SLFN11: variants seen among roughly 807,000 people sequenced by gnomAD.
SLFN11 encodes the protein schlafen family member 11.
SLFN11 carries 43 observed loss-of-function variants against 53.4 expected under a neutral mutation model. The observed-to-expected ratio is 0.80, with a 90% CI of 0.63 to 1.04. The LOEUF (loss-of-function observed/expected upper bound fraction) is 1.04. Ranked by LOEUF, SLFN11 falls within the 50% of genes least tolerant of loss-of-function variation. SLFN11 has a pLI of 0.00. For synonymous variants in SLFN11, 389 were observed against 394.7 expected, an observed-to-expected ratio of 0.99 and a Z score of 0.17; for missense variants, 990 against 1,079.1, an observed-to-expected ratio of 0.92 and a Z score of 1.16.
At chr17:35,362,635 G>A in intron 4 of SLFN11, 104 bp downstream of exon 4, 1 of 849,794 alleles carries the variant, frequency 1.2e-6, no homozygotes, top group South Asian at 2.7e-5. Flanking sequence ...AAAGTGTTCA[G>A]TGGATGTAAG....
chr17:35,362,641 G>A (rs1597716331), intron 4 of SLFN11, 98 bp downstream of exon 4: 5 of 909,572 alleles, frequency 5.5e-6, no homozygotes, highest in Non-Finnish European at 8.1e-6. Context: ...TTCAGTGGAT[G>A]TAAGATGTTC....
chr17:35,368,059 A>C (rs1194433964), intron 1 of SLFN11, among the ~76,000 whole-genome samples: 2 of 152,098 alleles, frequency 1.3e-5, no homozygotes, highest in Non-Finnish European at 1.5e-5. Context: ...GTGAGGAATT[A>C]GCCTGGGAAA....
At chr17:35,356,797 T>TACATACACACAC (rs1907535936) in intron 5 of SLFN11, among the ~76,000 whole-genome samples, 1 of 140,108 alleles carries the variant, frequency 7.1e-6, no homozygotes, top group African/African-American at 2.6e-5. Context: ...ATATGTAGCA[T>TACATACACACAC]ACACACACAC....
intron 1 of SLFN11, among the ~76,000 whole-genome samples, chr17:35,370,184 A>T (rs1909472359): frequency 6.6e-6 from 1 of 152,186 alleles, no homozygotes; most frequent in South Asian, 2.1e-4. Flanking sequence ...AACGTATGCA[A>T]ATCAGTCAAT....
At chr17:35,366,759 G>A (rs1414585207) in intron 3 of SLFN11, among the ~76,000 whole-genome samples, 188 bp downstream of exon 3, 1 of 152,020 alleles carries the variant, frequency 6.6e-6, no homozygotes, top group Non-Finnish European at 1.5e-5. Context: ...AAGACATTTA[G>A]AAGAAATTTG....
Position 35,352,364 on chromosome 17 carries a change from C to T in SLFN11, c.2698G>A (p.Gly900Ser), listed in dbSNP as rs1567813722. ...TTGATTTGGAGTTCTTCCTAATGGC[C>T]ACCCCACGGAAAAATATACAGGTGT... ...KQHLYIFPWGGH is the reference protein window; with the variant it reads ...KQHLYIFPWGSH Residue 900 changes from glycine to serine, a missense_variant, in exon 7 of 7, where the codon GGC (glycine) becomes AGC (serine). Physicochemically the swap from Gly to Ser is moderately conservative, Grantham distance 56 (BLOSUM62 0). Transcript: ENST00000685675. 3 of 1,613,484 alleles carry T rather than the reference C, an allele frequency of 1.9e-6. No individual in the cohort carries two copies. Among genetic ancestry groups the T allele is most frequent in the Non-Finnish European group, 2.5e-6 (3 of 1,179,422 alleles).
chr17:35,370,241 T>G (rs1035726144), intron 1 of SLFN11, among the ~76,000 whole-genome samples: 3 of 152,156 alleles, frequency 2.0e-5, no homozygotes, highest in African/African-American at 7.2e-5. Context: ...CATATGATCA[T>G]TTCAACTGAT....
rs189049129 is a variant in SLFN11 at position 35,360,328 on chromosome 17, T to G, written c.1113A>C (p.Leu371=). Residue 371 remains leucine, a synonymous_variant, in exon 5 of 7, where the codon CTA becomes CTC. Coordinates refer to ENST00000685675, the MANE Select transcript of SLFN11 (RefSeq NM_001376007.1). ...GTCTGCTAAGGGGAGGCCCACTAGATAGACTCAGCTGACATTCAAAATCTT... is the reference window on the plus strand; with the variant it reads ...GTCTGCTAAGGGGAGGCCCACTAGAGAGACTCAGCTGACATTCAAAATCTT... ...LSEDFECQLS[L]SSGPPLSRPV... 10 of 1,610,140 alleles carry G rather than the reference T, an allele frequency of 6.2e-6. No homozygotes were observed. The African/African-American group carries it at 1.2e-4, about 20-fold the overall frequency.
At chr17:35,360,004 CAAAT>C (rs946075004) in intron 5 of SLFN11, 43 of 404,580 alleles carry the variant, frequency 1.1e-4, no homozygotes, top group African/African-American at 5.7e-4. Context: ...ACTACAAGAA[CAAAT>C]AGTCTTTAAG....
At chr17:35,369,743 G>A (rs1909422426) in intron 1 of SLFN11, among the ~76,000 whole-genome samples, 1 of 152,126 alleles carries the variant, frequency 6.6e-6, no homozygotes, top group Non-Finnish European at 1.5e-5. Flanking sequence ...ATGAGCAACT[G>A]TATGCCAATA....
intron 1 of SLFN11, among the ~76,000 whole-genome samples, chr17:35,370,782 T>C (rs946757112): frequency 1.3e-5 from 2 of 151,644 alleles, no homozygotes; most frequent in Non-Finnish European, 2.9e-5. Flanking sequence ...ATCTCTACAA[T>C]AAAAACTATA....
At position 35,354,857 on chromosome 17, in the gene SLFN11, T is replaced by C. The variant is rs564041571; in HGVS notation, c.1199-798A>G. ...AAACCCAAATCAAGATTTGTAGTGG[T>C]AATTTCAAATGAAATTACCCAGATT... On this transcript the variant is annotated intron_variant, in intron 5 of 6. Transcript: ENST00000685675. Among the ~76,000 whole-genome samples, 166 of 152,236 alleles carry C rather than the reference T, an allele frequency of 1.1e-3. 2 individuals are homozygous for C. The highest frequency in any genetic ancestry group is 1.2e-4 in the Non-Finnish European group (8 of 68,026).
intron 1 of SLFN11, among the ~76,000 whole-genome samples, chr17:35,373,140 T>C (rs959382491): frequency 6.6e-6 from 1 of 152,090 alleles, no homozygotes; most frequent in Non-Finnish European, 1.5e-5. Flanking sequence ...AGTGGCCTTC[T>C]AGGCTTCGGT....
At chr17:35,357,261 T>C (rs1907630055) in intron 5 of SLFN11, among the ~76,000 whole-genome samples, 1 of 151,966 alleles carries the variant, frequency 6.6e-6, no homozygotes, top group Non-Finnish European at 1.5e-5. Context: ...AAATATTTTT[T>C]CTACTGGTCA....
chr17:35,368,131 A>AT (rs1306365452), intron 1 of SLFN11, among the ~76,000 whole-genome samples: 1 of 151,946 alleles, frequency 6.6e-6, no homozygotes, highest in African/African-American at 2.4e-5. Context: ...GGTGGTTCTT[A>AT]TTTTTTTGTT....
Position 35,372,796 on chromosome 17 carries a change from A to T in SLFN11, c.-235+678T>A, listed in dbSNP as rs545257781. Reference sequence around the variant, plus strand: ...ACCCACAGAAATTAAAAATTAATTTAAAAAAAAAGAAAAGAAAGGGAAATG... The same window carrying T: ...ACCCACAGAAATTAAAAATTAATTTTAAAAAAAAGAAAAGAAAGGGAAATG... On this transcript the variant is annotated intron_variant, in intron 1 of 6. Coordinates refer to ENST00000685675, the MANE Select transcript of SLFN11 (RefSeq NM_001376007.1). 1.5e-3 allele frequency among the ~76,000 whole-genome samples: 229 copies of T among 150,880 alleles called. 3 individuals are homozygous for T. The highest frequency in any genetic ancestry group is 3.6e-3 in the South Asian group (17 of 4,778).
In SLFN11 at chr17:35,362,770, T is replaced by G. The variant is rs140463634; in HGVS notation, c.1038A>C (p.Lys346Asn). The G allele has an allele frequency of 6.3e-6, 10 of 1,589,008 alleles. No homozygotes were observed. The African/African-American group carries it at 9.5e-5, about 15-fold the overall frequency. The change falls in exon 4 of 7, where the codon AAA becomes AAC. Residue 346 changes from lysine to asparagine, a missense_variant. Lys to Asn is a moderately conservative substitution (Grantham distance 94). This residue lies in a region of SLFN11 where 521 missense variants were observed against 516.2 expected (regional missense o/e 1.01). Coordinates refer to ENST00000685675, the MANE Select transcript of SLFN11 (RefSeq NM_001376007.1). ...CTGTGTCTGTCATCATGCCTACCCA[T>G]TTCTCGGTTGTCAGGCTGCAGACGT... Reference protein sequence around the residue: ...DKYVCSLTTEKWVGMMTDTDP... With the variant: ...DKYVCSLTTENWVGMMTDTDP...
At chr17:35,365,310 G>C (rs985884024) in intron 3 of SLFN11, among the ~76,000 whole-genome samples, 10 of 152,090 alleles carry the variant, frequency 6.6e-5, no homozygotes, top group Non-Finnish European at 1.5e-4. Flanking sequence ...TTTTGCGTGT[G>C]AGATGGGGTC....
rs1908424713 is a variant in SLFN11 at position 35,362,938 on chromosome 17, T to G, written c.870A>C (p.Gln290His). The change falls in exon 4 of 7, where the codon CAA becomes CAC. Residue 290 changes from glutamine (Q) to histidine (H), a missense_variant. Gln to His is a conservative substitution (Grantham distance 24, BLOSUM62 0). Around this residue, in one of 3 missense-constraint regions of SLFN11, gnomAD observed 521 missense variants for 516.2 expected, o/e 1.01. Transcript: ENST00000685675. Reference protein sequence around the residue: ...KLPCVHFCQPQRPITFTLKIV... With the variant: ...KLPCVHFCQPHRPITFTLKIV... ...TTTTGAGTGTGAAGGTTATCGGGCG[T>G]TGGGGTTGGCAAAAATGAACACAAG... 6.2e-7 allele frequency: 1 copy of G among 1,613,684 alleles called. No homozygotes were observed.
Sources: gnomAD v4.1 joint callset for allele counts (sites outside exome capture counted in the v4.1 genomes callset) on GRCh38, gnomAD v4.1.1 for gene constraint, gnomAD v4.1.1 regional missense constraint, MANE v1.5 for transcripts, NCBI Gene and HGNC (gene_info 2026-07-23, HGNC 2026-07-21) for gene names.